The following ATRNL1 variants were observed in gnomAD, a reference collection of about 807,000 sequenced individuals.
The protein encoded by ATRNL1 is attractin-like protein 1.
ATRNL1 carries 95 observed loss-of-function variants against 182.7 expected under a neutral mutation model. That is an observed-to-expected ratio of 0.52 (90% CI 0.44 to 0.62). The LOEUF is 0.62. ATRNL1 is among the 20% of genes least tolerant of loss of function. ATRNL1 has a pLI of 0.00. For synonymous variants in ATRNL1, 576 were observed against 568.3 expected (o/e 1.01, Z -0.19); for missense variants, 1,471 against 1,679.5 (o/e 0.88, Z 2.17).
chr10:115,419,142 A>G (rs591998), intron 20 of ATRNL1, among the ~76,000 whole-genome samples: 5,141 of 152,280 alleles, frequency 0.034, 264 homozygotes, highest in African/African-American at 0.11. Context: ...TGGAAGGATA[A>G]TGAGTTAAAA....
At chr10:115,758,741 C>G (rs183895841) in intron 27 of ATRNL1, among the ~76,000 whole-genome samples, 2 of 152,216 alleles carry the variant, frequency 1.3e-5, no homozygotes, top group Non-Finnish European at 2.9e-5. Flanking sequence ...CGCCCCTTCC[C>G]CCAGGTGCTT....
At chr10:115,546,002 C>T (rs1158186339) in intron 25 of ATRNL1, among the ~76,000 whole-genome samples, 1 of 152,136 alleles carries the variant, frequency 6.6e-6, no homozygotes, top group Non-Finnish European at 1.5e-5. Flanking sequence ...GAACACATGA[C>T]AGTATGCTTG....
intron 27 of ATRNL1, among the ~76,000 whole-genome samples, chr10:115,798,951 C>A (rs577729368): frequency 2.6e-5 from 4 of 151,922 alleles, no homozygotes; most frequent in African/African-American, 9.7e-5. Flanking sequence ...CTCAGCCTCC[C>A]CAGTAGCTGG....
chr10:115,158,557 A>G (rs543249626), intron 5 of ATRNL1, among the ~76,000 whole-genome samples: 9 of 152,024 alleles, frequency 5.9e-5, no homozygotes, highest in Non-Finnish European at 1.2e-4. Flanking sequence ...TATCAAAGAG[A>G]TAATCTGAGA....
intron 26 of ATRNL1, among the ~76,000 whole-genome samples, chr10:115,688,638 C>A (rs1406431863): frequency 6.6e-6 from 1 of 151,962 alleles, no homozygotes; most frequent in Non-Finnish European, 1.5e-5. Context: ...TATTCGTGTC[C>A]TTTTCTCATG....
chr10:115,562,230 A>G (rs1332660598), intron 26 of ATRNL1, among the ~76,000 whole-genome samples: 1 of 152,184 alleles, frequency 6.6e-6, no homozygotes, highest in African/African-American at 2.4e-5. Flanking sequence ...TAACAAAGAA[A>G]GATCCTTGAA....
chr10:115,586,542 G>A (rs1383599196), intron 26 of ATRNL1, among the ~76,000 whole-genome samples: 15 of 97,142 alleles, frequency 1.5e-4, no homozygotes, highest in African/African-American at 4.0e-4. Context: ...CCAGTTGTTC[G>A]CATCGGCTCC....
intron 20 of ATRNL1, among the ~76,000 whole-genome samples, chr10:115,407,554 G>A (rs1246992947): frequency 2.0e-5 from 3 of 151,932 alleles, no homozygotes; most frequent in East Asian, 1.9e-4. Context: ...TGCCACGAAC[G>A]ACAGGATTTC....
intron 25 of ATRNL1, among the ~76,000 whole-genome samples, chr10:115,522,405 G>C (rs535626304): frequency 6.6e-6 from 1 of 152,176 alleles, no homozygotes; most frequent in South Asian, 2.1e-4. Flanking sequence ...AGCTCTCTTG[G>C]GAACTAATAG....
chr10:115,370,926 GC>G (rs1288851869), intron 19 of ATRNL1, among the ~76,000 whole-genome samples: 1 of 152,098 alleles, frequency 6.6e-6, no homozygotes, highest in Non-Finnish European at 1.5e-5. Context: ...TGTAGGCCAG[GC>G]CCAGGGTCCC....
intron 19 of ATRNL1, among the ~76,000 whole-genome samples, chr10:115,389,548 A>ATATATATATATG (rs1843880234): frequency 5.6e-4 from 17 of 30,196 alleles, no homozygotes; most frequent in Non-Finnish European, 1.1e-3. Context: ...GTGTATATAT[A>ATATATATATATG]TATATATATA....
intron 20 of ATRNL1, among the ~76,000 whole-genome samples, chr10:115,406,069 C>T (rs1481048851): frequency 6.6e-6 from 1 of 152,028 alleles, no homozygotes; most frequent in Non-Finnish European, 1.5e-5. Context: ...ATATGTGCCA[C>T]ATTTTCTTAA....
chr10:115,236,248 G>A (rs1850173336), intron 9 of ATRNL1, among the ~76,000 whole-genome samples: 1 of 152,092 alleles, frequency 6.6e-6, no homozygotes. Context: ...AGAGAACTAC[G>A]CATATATCCA....
At chr10:115,781,826 A>G (rs1949272615) in intron 27 of ATRNL1, among the ~76,000 whole-genome samples, 1 of 152,184 alleles carries the variant, frequency 6.6e-6, no homozygotes, top group Non-Finnish European at 1.5e-5. Context: ...CTATATTTCA[A>G]TAACAACCCA....
chr10:115,311,824 C>T (rs1854046714), intron 17 of ATRNL1, among the ~76,000 whole-genome samples: 2 of 151,714 alleles, frequency 1.3e-5, no homozygotes, highest in Admixed American at 6.6e-5. Context: ...GTAATATCTT[C>T]TTGTTGCATT....
At chr10:115,112,459 C>G (rs1181608856) in intron 1 of ATRNL1, among the ~76,000 whole-genome samples, 3 of 152,064 alleles carry the variant, frequency 2.0e-5, no homozygotes, top group African/African-American at 7.2e-5. Flanking sequence ...AAACTCATAC[C>G]AAATTGTTAT....
rs560238599 is a variant in ATRNL1, at chr10:115,265,101, G to A, written c.1688-92G>A. 5 of 766,574 alleles carry A rather than the reference G, an allele frequency of 6.5e-6. No individual in the cohort carries two copies. In the Admixed American group the frequency reaches 1.2e-4, roughly 18 times the overall value. The allele number at this position is 766,574 out of a possible 1,614,324, so 47.5% of individuals were successfully genotyped here. ...TTTTTGCTTCCTGCTTATGCATAGT[G>A]TATCTTTAATTCGGCCAATGATGTT... On this transcript the variant is annotated intron_variant, in intron 10 of 28. Coordinates refer to ENST00000355044, the MANE Select transcript of ATRNL1 (RefSeq NM_207303.4).
At chr10:115,585,552 A>G (rs1418774014) in intron 26 of ATRNL1, among the ~76,000 whole-genome samples, 1 of 104,588 alleles carries the variant, frequency 9.6e-6, no homozygotes, top group Non-Finnish European at 2.0e-5. Flanking sequence ...GTCTGTTTTA[A>G]CAGAGACTAG....
At chr10:115,542,166 G>T (rs1283049674) in intron 25 of ATRNL1, among the ~76,000 whole-genome samples, 6 of 152,068 alleles carry the variant, frequency 3.9e-5, no homozygotes, top group African/African-American at 1.4e-4. Context: ...TTTCTAATAT[G>T]CCATCAGATG....
Sources: gnomAD v4.1 joint callset for allele counts (sites outside exome capture counted in the v4.1 genomes callset) on GRCh38, gnomAD v4.1.1 for gene constraint, MANE v1.5 for transcripts, NCBI Gene and HGNC (gene_info 2026-07-23, HGNC 2026-07-21) for gene names.